Variants in WWOX observed in about 807,000 individuals in gnomAD.
WWOX encodes the protein WW domain containing oxidoreductase, also known as WW domain-containing oxidoreductase.
In WWOX, 69 loss-of-function variants were observed where a neutral mutation model predicts 46.2. That is an observed-to-expected ratio of 1.49 (90% confidence interval 1.23 to 1.82). WWOX has a LOEUF of 1.82. Among genes scored for constraint, WWOX ranks in the 40% most tolerant of loss-of-function variants. The pLI, the probability that WWOX is intolerant of heterozygous loss-of-function variation, is 0.00. For missense variants in WWOX, 919 were observed against 542.6 expected, an observed-to-expected ratio of 1.69 and a Z score of -6.89; for synonymous variants, 359 against 202.6, an observed-to-expected ratio of 1.77 and a Z score of -6.56.
chr16:78,922,113 T>TATTGGGTCTTCGTTGCGTAGGTGTG (rs1328757450), intron 8 of WWOX, among the ~76,000 whole-genome samples: 4 of 152,184 alleles, frequency 2.6e-5, no homozygotes, highest in African/African-American at 9.6e-5. Flanking sequence ...TCAGAGTATT[T>TATTGGGTCTTCGTTGCGTAGGTGTG]ATTGGGTCTT....
chr16:78,461,789 G>A (rs1374305308), intron 8 of WWOX, among the ~76,000 whole-genome samples: 1 of 152,184 alleles, frequency 6.6e-6, no homozygotes, highest in African/African-American at 2.4e-5. Context: ...AGAATTATGG[G>A]CTGGAGCAGT....
chr16:78,982,356 A>G (rs2046699485), intron 8 of WWOX, among the ~76,000 whole-genome samples: 1 of 152,236 alleles, frequency 6.6e-6, no homozygotes, highest in African/African-American at 2.4e-5. Flanking sequence ...AAGTCTGTCA[A>G]AAAGAGTCAT....
intron 5 of WWOX, among the ~76,000 whole-genome samples, chr16:78,328,737 T>C (rs1434341324): frequency 1.3e-5 from 2 of 152,224 alleles, no homozygotes; most frequent in Non-Finnish European, 2.9e-5. Flanking sequence ...AAAGTGCTCT[T>C]GAAGCCAAGC....
intron 8 of WWOX, among the ~76,000 whole-genome samples, chr16:78,869,612 G>A (rs995727972): frequency 2.0e-5 from 3 of 152,228 alleles, no homozygotes; most frequent in African/African-American, 7.2e-5. Context: ...GGGCTCGTTG[G>A]GAAAGGGTGT....
chr16:78,641,557 TCTG>T (rs1169164266), intron 8 of WWOX, among the ~76,000 whole-genome samples: 1 of 152,146 alleles, frequency 6.6e-6, no homozygotes, highest in Non-Finnish European at 1.5e-5. Flanking sequence ...GCTCATTCAT[TCTG>T]CTGGCCCTAA....
chr16:79,108,691 C>T (rs1055225905), intron 8 of WWOX, among the ~76,000 whole-genome samples: 2 of 152,062 alleles, frequency 1.3e-5, no homozygotes, highest in African/African-American at 4.8e-5. Flanking sequence ...TGCTTGAGCC[C>T]AGGAGTTTGA....
At chr16:78,912,375 C>T (rs920438979) in intron 8 of WWOX, among the ~76,000 whole-genome samples, 5 of 151,876 alleles carry the variant, frequency 3.3e-5, no homozygotes, top group Non-Finnish European at 5.9e-5. Flanking sequence ...CTGCATTTTG[C>T]ACATGACAAA....
rs1006399664 is a variant in WWOX, at chr16:78,514,622, A to G, written c.1056+81870A>G. Among the ~76,000 whole-genome samples, 8 of 152,326 alleles carry G rather than the reference A, an allele frequency of 5.3e-5. No individual in the cohort carries two copies. The South Asian group carries it at 6.2e-4, about 12-fold the overall frequency. On this transcript the variant is annotated intron_variant, in intron 8 of 8. Coordinates refer to ENST00000566780, the MANE Select transcript of WWOX (RefSeq NM_016373.4). ...ATTTCCTTACCTGTCCCAGGGCAAG[A>G]TAGCAAGAGTTTCTTGATGCATTTA...
intron 8 of WWOX, among the ~76,000 whole-genome samples, chr16:78,449,001 T>G (rs1477261646): frequency 6.6e-6 from 1 of 152,216 alleles, no homozygotes; most frequent in East Asian, 1.9e-4. Flanking sequence ...GTGTCCTGTT[T>G]CTTAAAGATA....
chr16:78,567,634 G>T (rs540853053), intron 8 of WWOX, among the ~76,000 whole-genome samples: 1 of 150,258 alleles, frequency 6.7e-6, no homozygotes, highest in Admixed American at 6.6e-5. Context: ...GCCTGCTATT[G>T]TATTTAAAGG....
At chr16:78,280,117 G>C (rs1399509065) in intron 5 of WWOX, among the ~76,000 whole-genome samples, 1 of 152,180 alleles carries the variant, frequency 6.6e-6, no homozygotes, top group East Asian at 1.9e-4. Flanking sequence ...TACCCAACTG[G>C]GGGAACAATT....
At chr16:79,119,741 T>C (rs1441989265) in intron 8 of WWOX, among the ~76,000 whole-genome samples, 4 of 152,196 alleles carry the variant, frequency 2.6e-5, no homozygotes, top group Non-Finnish European at 5.9e-5. Flanking sequence ...GTTTGAATCA[T>C]GATGGCAGTG....
At chr16:78,507,755 C>G (rs1007742621) in intron 8 of WWOX, among the ~76,000 whole-genome samples, 3 of 152,112 alleles carry the variant, frequency 2.0e-5, no homozygotes, top group African/African-American at 7.2e-5. Flanking sequence ...TCTTACTGTG[C>G]CGTGTGCTGA....
chr16:79,059,801 G>C (rs533496738), intron 8 of WWOX, among the ~76,000 whole-genome samples: 1 of 152,162 alleles, frequency 6.6e-6, no homozygotes, highest in African/African-American at 2.4e-5. Flanking sequence ...ATCCTACCAC[G>C]TGTGTCAGAG....
At chr16:78,532,014 G>A (rs567260831) in intron 8 of WWOX, among the ~76,000 whole-genome samples, 33 of 151,582 alleles carry the variant, frequency 2.2e-4, no homozygotes, top group African/African-American at 7.3e-4. Context: ...CGGGAGATTA[G>A]TTAGAGACAG....
At chr16:79,126,472 G>T (rs576979345) in intron 8 of WWOX, among the ~76,000 whole-genome samples, 1 of 152,094 alleles carries the variant, frequency 6.6e-6, no homozygotes, top group Non-Finnish European at 1.5e-5. Flanking sequence ...TGATGGCTTT[G>T]TAAGTGTTTG....
intron 8 of WWOX, among the ~76,000 whole-genome samples, chr16:78,458,837 G>T (rs1275468828): frequency 6.6e-6 from 1 of 152,016 alleles, no homozygotes; most frequent in Non-Finnish European, 1.5e-5. Context: ...GCATGTAGAG[G>T]TTGGCAAAGG....
intron 8 of WWOX, among the ~76,000 whole-genome samples, chr16:78,746,743 A>G (rs1046334582): frequency 2.0e-5 from 3 of 152,002 alleles, no homozygotes; most frequent in Non-Finnish European, 2.9e-5. Flanking sequence ...GATGAAACAG[A>G]CCTGAATCTG....
chr16:78,673,895 G>C (rs2047525228), intron 8 of WWOX, among the ~76,000 whole-genome samples: 1 of 152,140 alleles, frequency 6.6e-6, no homozygotes, highest in Non-Finnish European at 1.5e-5. Context: ...AGAGACTACA[G>C]GGAAATGTTT....
Sources: allele counts gnomAD v4.1 joint callset (sites outside exome capture counted in the v4.1 genomes callset), GRCh38; gene constraint gnomAD v4.1.1; transcripts MANE v1.5; gene names NCBI Gene and HGNC (gene_info 2026-07-23, HGNC 2026-07-21).